PCSK5: variants seen among roughly 807,000 people sequenced by gnomAD.
PCSK5 encodes proprotein convertase subtilisin/kexin type 5.
PCSK5 carries 129 observed loss-of-function variants against 233.2 expected under a neutral mutation model. The ratio of observed to expected loss-of-function variants is 0.55; its 90% CI spans 0.48 to 0.64. PCSK5 has a LOEUF of 0.64. Among genes scored for constraint, PCSK5 ranks in the 30% least tolerant of loss-of-function variants. The pLI is 0.00. For missense variants in PCSK5, 2,076 were observed against 2,430.1 expected, an observed-to-expected ratio of 0.85 and a Z score of 3.06; for synonymous variants, 825 against 879.2, an observed-to-expected ratio of 0.94 and a Z score of 1.09.
intron 14 of PCSK5, among the ~76,000 whole-genome samples, chr9:76,178,790 A>G (rs977566079): frequency 6.6e-6 from 1 of 152,238 alleles, no homozygotes; most frequent in African/African-American, 2.4e-5. Flanking sequence ...TGGAGAACAA[A>G]GAAGAGAATT....
At chr9:76,289,629 T>C (rs1231521913) in intron 24 of PCSK5, among the ~76,000 whole-genome samples, 2 of 151,942 alleles carry the variant, frequency 1.3e-5, no homozygotes, top group African/African-American at 2.4e-5. Flanking sequence ...AGTCAACTTC[T>C]AGATTTGGGA....
chr9:76,160,067 C>T (rs758989804), intron 12 of PCSK5, among the ~76,000 whole-genome samples: 7 of 152,022 alleles, frequency 4.6e-5, no homozygotes, highest in African/African-American at 7.3e-5. Flanking sequence ...GTGATCCATC[C>T]GCCTCGGCCT....
At position 76,338,228 on chromosome 9, in the gene PCSK5, A is replaced by G; in HGVS notation, c.4749-2A>G. 1.9e-6 allele frequency: 3 copies of G among 1,608,138 alleles called. No homozygotes were observed. Among genetic ancestry groups the G allele is most frequent in the Admixed American group, 3.4e-5 (2 of 59,630 alleles). On this transcript the variant is annotated splice_acceptor_variant, in intron 34 of 37. Transcript: ENST00000674117. LOFTEE classifies it high-confidence loss of function. ...CCATCTTTTCTTCTCCTTTGGTTTC[A>G]GATATTACGCAGACAACTCCACTGG...
rs559275911 is a variant in PCSK5 at position 76,039,937 on chromosome 9, C to T, written c.632+12900C>T. Among the ~76,000 whole-genome samples the T allele has an allele frequency of 4.6e-5, 7 of 152,322 alleles. No homozygotes were observed. The East Asian group carries it at 5.8e-4, about 13-fold the overall frequency. On this transcript the variant is annotated intron_variant, in intron 5 of 37. Transcript: ENST00000674117. ...CTCAGGTTCCCTCGAATGGCATTAGCGCCTCCAAGCTCTCTGGGATCTCAC... is the reference window on the plus strand; with the variant it reads ...CTCAGGTTCCCTCGAATGGCATTAGTGCCTCCAAGCTCTCTGGGATCTCAC...
intron 9 of PCSK5, among the ~76,000 whole-genome samples, chr9:76,110,763 A>C (rs1040033762): frequency 4.6e-5 from 7 of 152,194 alleles, no homozygotes; most frequent in African/African-American, 1.7e-4. Context: ...AAACAGATAA[A>C]CTTAAAAGTA....
intron 1 of PCSK5, among the ~76,000 whole-genome samples, chr9:75,922,494 G>A (rs1489967864): frequency 1.3e-5 from 2 of 152,172 alleles, no homozygotes; most frequent in Non-Finnish European, 2.9e-5. Context: ...AAACTTGGAG[G>A]TTTGGCCAGA....
chr9:76,018,512 G>C (rs530728472), intron 3 of PCSK5, among the ~76,000 whole-genome samples: 1 of 152,288 alleles, frequency 6.6e-6, no homozygotes, highest in African/African-American at 2.4e-5. Context: ...GAGGGATCTA[G>C]GTTGCGTGCT....
chr9:76,181,723 T>G, intron 16 of PCSK5, 132 bp downstream of exon 16: 3 of 629,552 alleles, frequency 4.8e-6, no homozygotes, highest in Non-Finnish European at 8.3e-6. Flanking sequence ...GTTCATTCAT[T>G]TTAAGAGAAC....
chr9:76,289,371 C>G (rs1452701732), intron 24 of PCSK5, among the ~76,000 whole-genome samples: 2 of 151,752 alleles, frequency 1.3e-5, no homozygotes, highest in African/African-American at 4.8e-5. Context: ...TTGACAAAAT[C>G]AAATCACCCG....
intron 5 of PCSK5, among the ~76,000 whole-genome samples, chr9:76,064,134 G>T (rs1179304858): frequency 2.5e-5 from 3 of 118,506 alleles, no homozygotes; most frequent in African/African-American, 7.8e-5. Context: ...TGGGCGGAGG[G>T]CTGACCCCCC....
rs141325650 is a variant in PCSK5 at position 76,230,779 on chromosome 9, A to C, written c.2730-2681A>C. Among the ~76,000 whole-genome samples, 25 of 152,204 alleles carry C rather than the reference A, an allele frequency of 1.6e-4. No homozygotes were observed. The East Asian group carries it at 4.8e-3, about 29-fold the overall frequency. ...TCTAGGTTGCGTGCTCATTATGAGA[A>C]TCTAATGCCTGATGATCTCTCACTG... On this transcript the variant is annotated intron_variant, in intron 21 of 37. Coordinates refer to ENST00000674117, the MANE Select transcript of PCSK5 (RefSeq NM_001372043.1).
chr9:76,052,123 G>A (rs754380198), intron 5 of PCSK5, among the ~76,000 whole-genome samples: 10 of 152,098 alleles, frequency 6.6e-5, no homozygotes, highest in Admixed American at 1.3e-4. Context: ...ACAAGGGGTC[G>A]CATTTCATTG....
intron 5 of PCSK5, among the ~76,000 whole-genome samples, chr9:76,046,155 CTTTTGTTTTTTTTTTTTTTTTT>C (rs1829366208): frequency 1.8e-5 from 1 of 55,702 alleles, no homozygotes; most frequent in African/African-American, 5.2e-5. Context: ...ATAATTTTTT[CTTTTGTTTTTTTTTTTTTTTTT>C]TTTTTTTTTT....
chr9:76,278,998 G>T (rs961026395), intron 24 of PCSK5, among the ~76,000 whole-genome samples: 14 of 151,094 alleles, frequency 9.3e-5, no homozygotes, highest in Admixed American at 6.6e-4. Flanking sequence ...TGCCATGCTG[G>T]TGCGCTGCAC....
At chr9:76,018,408 G>T (rs1828043146) in intron 3 of PCSK5, among the ~76,000 whole-genome samples, 1 of 152,210 alleles carries the variant, frequency 6.6e-6, no homozygotes, top group South Asian at 2.1e-4. Context: ...TTGAGTGGCA[G>T]GTGAGCATTA....
intron 10 of PCSK5, among the ~76,000 whole-genome samples, chr9:76,137,766 C>T (rs916812728): frequency 2.6e-5 from 4 of 152,094 alleles, no homozygotes. Context: ...ATGTGATATT[C>T]TGCTACCAGA....
rs537912620 is a variant in PCSK5 at position 76,026,488 on chromosome 9, A to C, written c.556-473A>C. 5.3e-5 allele frequency among the ~76,000 whole-genome samples: 8 copies of C among 152,296 alleles called. No homozygotes were observed. In the East Asian group the frequency reaches 1.5e-3, roughly 29 times the overall value. ...TTAATTGGCTTGCCAATGATATGTG[A>C]ATGATTTTTGTCTTCTGAAATCTAT... On this transcript the variant is annotated intron_variant, in intron 4 of 37. Coordinates refer to ENST00000674117, the MANE Select transcript of PCSK5 (RefSeq NM_001372043.1).
At chr9:75,950,197 C>T (rs1305445620) in intron 2 of PCSK5, among the ~76,000 whole-genome samples, 9 of 149,804 alleles carry the variant, frequency 6.0e-5, no homozygotes, top group Non-Finnish European at 1.3e-4. Context: ...GCTGCCACAA[C>T]AAGGGCCTTT....
intron 9 of PCSK5, among the ~76,000 whole-genome samples, chr9:76,109,553 T>C (rs1832121314): frequency 7.3e-6 from 1 of 136,850 alleles, no homozygotes; most frequent in South Asian, 2.4e-4. Flanking sequence ...ATTGAAAGAC[T>C]ACAATTGTTT....
Sources: allele counts gnomAD v4.1 joint callset (sites outside exome capture counted in the v4.1 genomes callset), GRCh38; gene constraint gnomAD v4.1.1; transcripts MANE v1.5; gene names NCBI Gene and HGNC (gene_info 2026-07-23, HGNC 2026-07-21).